The following NIN variants were observed in gnomAD, a reference collection of about 807,000 sequenced individuals.
The protein encoded by NIN is ninein, also known as glycogen synthase kinase 3 beta-interacting protein.
In NIN, 137 loss-of-function variants were observed where a neutral mutation model predicts 257.6. The observed-to-expected ratio is 0.53, with a 90% CI of 0.46 to 0.61. The LOEUF (loss-of-function observed/expected upper bound fraction) is 0.61, where lower values mean the gene tolerates loss of function less well. Among genes scored for constraint, NIN ranks in the 20% least tolerant of loss-of-function variants. The pLI, the probability that NIN is intolerant of heterozygous loss-of-function variation, is 0.00. For missense variants in NIN, 2,439 were observed against 2,501.2 expected (o/e 0.98, Z 0.53); for synonymous variants, 918 against 919.8 (o/e 1.00, Z 0.04).
chr14:50,765,063 TAAAAAAAAAAAAAAAAAAAA>T (rs781699626), intron 14 of NIN, among the ~76,000 whole-genome samples: 1 of 82,072 alleles, frequency 1.2e-5, no homozygotes, highest in Non-Finnish European at 2.4e-5. Context: ...TGTCTCTACT[TAAAAAAAAAAAAAAAAAAAA>T]AAAAAAAAAT....
At position 50,776,985 on chromosome 14, in the gene NIN, G is replaced by A; in HGVS notation, c.630C>T (p.Ile210=). 1 of 1,614,126 alleles carries A rather than the reference G, an allele frequency of 6.2e-7. No homozygotes were observed. ...CATTCTGTAAACCATACTGCTCACA[G>A]ATGGAGACCAGCTTCTTCCGGTTCA... is the stretch of plus-strand genomic sequence containing the variant. ...GHLNRKKLVS[I]CEQYGLQNVD... The change falls in exon 7 of 31, where the codon ATC becomes ATT. Residue 210 remains isoleucine, a synonymous_variant. Coordinates refer to ENST00000530997, the MANE Select transcript of NIN (RefSeq NM_020921.4).
At chr14:50,732,020 A>G (rs1364884175) in intron 28 of NIN, among the ~76,000 whole-genome samples, 1 of 152,202 alleles carries the variant, frequency 6.6e-6, no homozygotes, top group Non-Finnish European at 1.5e-5. Context: ...CCTTTTGTTG[A>G]GTGTTCAAAA....
At chr14:50,793,123 G>A (rs1383954794) in intron 4 of NIN, among the ~76,000 whole-genome samples, 3 of 152,094 alleles carry the variant, frequency 2.0e-5, no homozygotes, top group Non-Finnish European at 4.4e-5. Context: ...ATCCAACAAT[G>A]GCAGCAAGGG....
Position 50,763,975 on chromosome 14 carries a change from A to T in NIN, c.1636-11T>A. On this transcript the variant is annotated splice_polypyrimidine_tract_variant and intron_variant, in intron 14 of 30. Coordinates refer to ENST00000530997, the MANE Select transcript of NIN (RefSeq NM_020921.4). ...TTGGTCTTGTAGTACCTGGGATTTA[A>T]AAACCAACACTGGTCTTAGATGTGA... The T allele has an allele frequency of 6.2e-7, 1 of 1,611,674 alleles. No individual in the cohort carries two copies. Among genetic ancestry groups the T allele is most frequent in the East Asian group, 2.2e-5 (1 of 44,862 alleles).
At chr14:50,822,737 C>G (rs886484527) in intron 2 of NIN, among the ~76,000 whole-genome samples, 2 of 152,194 alleles carry the variant, frequency 1.3e-5, no homozygotes, top group South Asian at 2.1e-4. Flanking sequence ...GCCTTTTACA[C>G]GAGTTCCTCA....
intron 26 of NIN, among the ~76,000 whole-genome samples, chr14:50,738,547 C>CTGT (rs775330289): frequency 3.9e-5 from 6 of 152,178 alleles, no homozygotes; most frequent in Non-Finnish European, 5.9e-5. Context: ...CTCCAGGAGT[C>CTGT]AACAGTGTAT....
chr14:50,790,274 T>C (rs1423423146), intron 5 of NIN, among the ~76,000 whole-genome samples: 2 of 152,196 alleles, frequency 1.3e-5, no homozygotes, highest in Non-Finnish European at 2.9e-5. Flanking sequence ...CGGGCTGGTC[T>C]TGAACTCCTG....
At chr14:50,755,646 CTCTTTTTTTTTTTTTTTTTT>C (rs1566808400) in intron 18 of NIN, among the ~76,000 whole-genome samples, 1 of 71,132 alleles carries the variant, frequency 1.4e-5, no homozygotes, top group Non-Finnish European at 2.6e-5. Flanking sequence ...TTTGTTTTGT[CTCTTTTTTTTTTTTTTTTTT>C]TTTTTTTTTT....
intron 27 of NIN, among the ~76,000 whole-genome samples, chr14:50,737,673 TCTCA>T (rs1224153676): frequency 3.7e-4 from 54 of 147,926 alleles, no homozygotes; most frequent in Admixed American, 1.5e-3. Flanking sequence ...TTAAACAGAG[TCTCA>T]CTCTGTTACC....
Position 50,763,848 on chromosome 14 carries a change from G to C in NIN, c.1752C>G (p.Ser584Arg), listed in dbSNP as rs145336027. Reference protein sequence around the residue: ...NSPSEEVEANSGGIEPEHGLG... With the variant: ...NSPSEEVEANRGGIEPEHGLG... ...TACCGTGTTCGGGCTCAATGCCACC[G>C]CTGTTAGCCTCAACTTCTTCTGACG... is the stretch of plus-strand genomic sequence containing the variant. The change falls in exon 15 of 31, where the codon AGC becomes AGG. Residue 584 changes from serine (S) to arginine (R), a missense_variant. Ser to Arg is a moderately radical substitution (Grantham distance 110). Transcript: ENST00000530997. 1 of 1,613,798 alleles carries C rather than the reference G, an allele frequency of 6.2e-7. No homozygotes were observed. The highest frequency in any genetic ancestry group is 2.2e-5 in the East Asian group (1 of 44,876).
At chr14:50,781,435 C>G (rs2043130695) in intron 5 of NIN, among the ~76,000 whole-genome samples, 1 of 152,224 alleles carries the variant, frequency 6.6e-6, no homozygotes, top group South Asian at 2.1e-4. Context: ...CTTCTCAGTT[C>G]ATTTGAAAAT....
At chr14:50,806,541 G>C (rs1032017035) in intron 4 of NIN, 196 bp downstream of exon 4, 28 of 485,924 alleles carry the variant, frequency 5.8e-5, no homozygotes, top group Middle Eastern at 9.8e-4. Flanking sequence ...TGCTGCTGTA[G>C]TAGAGAAGTC....
intron 29 of NIN, 53 bp from the exon 30 acceptor site, chr14:50,726,119 G>A: frequency 1.4e-6 from 2 of 1,397,370 alleles, no homozygotes; most frequent in Non-Finnish European, 1.0e-6. Flanking sequence ...TGAAAACACT[G>A]GTTTATTTTC....
intron 4 of NIN, among the ~76,000 whole-genome samples, chr14:50,797,038 C>T (rs1352150276): frequency 6.6e-6 from 1 of 152,216 alleles, no homozygotes; most frequent in East Asian, 1.9e-4. Flanking sequence ...TTTGCAAAAA[C>T]ATAAGCTCAG....
At position 50,776,933 on chromosome 14, in the gene NIN, A is replaced by G; in HGVS notation, c.666+16T>C. ...TTACCATCATTATCATTCCTGAATT[A>G]TACTGCGAGGCTTACCTCTCCATCC... On this transcript the variant is annotated intron_variant, in intron 7 of 30. Coordinates refer to ENST00000530997, the MANE Select transcript of NIN (RefSeq NM_020921.4). 6.2e-7 allele frequency: 1 copy of G among 1,603,530 alleles called. No homozygotes were observed. The highest frequency in any genetic ancestry group is 1.3e-5 in the African/African-American group (1 of 74,792).
At chr14:50,764,543 T>C (rs961703150) in intron 14 of NIN, among the ~76,000 whole-genome samples, 5 of 152,180 alleles carry the variant, frequency 3.3e-5, no homozygotes, top group African/African-American at 4.8e-5. Flanking sequence ...TTTTCATAGC[T>C]GCGTTACTCA....
intron 7 of NIN, 78 bp from the exon 8 acceptor site, chr14:50,773,173 A>G: frequency 8.8e-7 from 1 of 1,138,720 alleles, no homozygotes; most frequent in Admixed American, 2.0e-5. Context: ...GCCAGTAGTA[A>G]TCAGTACCAT....
chr14:50,782,944 C>G (rs141727535), intron 5 of NIN, among the ~76,000 whole-genome samples: 49 of 113,890 alleles, frequency 4.3e-4, no homozygotes, highest in African/African-American at 1.5e-3. Flanking sequence ...AACAGACATT[C>G]TTGAGACAGT....
At chr14:50,728,970 G>A (rs774999281) in intron 29 of NIN, among the ~76,000 whole-genome samples, 10 of 152,198 alleles carry the variant, frequency 6.6e-5, no homozygotes, top group Admixed American at 3.9e-4. Flanking sequence ...CAGGCTGCAC[G>A]GCTCTGGCAC....
Sources: gnomAD v4.1 joint callset for allele counts (sites outside exome capture counted in the v4.1 genomes callset) on GRCh38, gnomAD v4.1.1 for gene constraint, MANE v1.5 for transcripts, NCBI Gene and HGNC (gene_info 2026-07-23, HGNC 2026-07-21) for gene names.